The following SOBP variants were observed in gnomAD, a reference collection of about 807,000 sequenced individuals.
SOBP encodes sine oculis binding protein homolog, also known as sine oculis-binding protein homolog.
Under a neutral mutation model 53.6 loss-of-function variants are expected in SOBP, and 4 were observed. That is an observed-to-expected ratio of 0.07 (90% CI 0.04 to 0.17). SOBP has a LOEUF of 0.17. SOBP is among the 10% of genes least tolerant of loss of function. SOBP has a pLI of 1.00. For missense variants in SOBP, 1,088 were observed against 1,204.7 expected, an observed-to-expected ratio of 0.90 and a Z score of 1.43; for synonymous variants, 584 against 522.6, an observed-to-expected ratio of 1.12 and a Z score of -1.60.
intron 5 of SOBP, among the ~76,000 whole-genome samples, chr6:107,622,197 A>C (rs995740077): frequency 6.6e-6 from 1 of 152,194 alleles, no homozygotes; most frequent in African/African-American, 2.4e-5. Context: ...GCAGCTCTTG[A>C]AGGTAGACGG....
intron 4 of SOBP, among the ~76,000 whole-genome samples, chr6:107,576,022 T>C (rs1583229118): frequency 6.6e-6 from 1 of 152,206 alleles, no homozygotes; most frequent in Non-Finnish European, 1.5e-5. Flanking sequence ...ATCTTCGCAT[T>C]TGGCTCCTCA....
chr6:107,547,468 G>T (rs1784333426), intron 4 of SOBP, among the ~76,000 whole-genome samples: 1 of 152,210 alleles, frequency 6.6e-6, no homozygotes, highest in Non-Finnish European at 1.5e-5. Context: ...TCTTGAACCT[G>T]ATTTTTATAA....
chr6:107,632,330 C>G (rs201196210), intron 5 of SOBP, among the ~76,000 whole-genome samples: 2 of 150,872 alleles, frequency 1.3e-5, no homozygotes, highest in African/African-American at 4.9e-5. Context: ...TGGCCCCCCC[C>G]CAAAAAAAAG....
chr6:107,511,225 A>T (rs565671682), intron 3 of SOBP, among the ~76,000 whole-genome samples: 1 of 152,352 alleles, frequency 6.6e-6, no homozygotes, highest in East Asian at 1.9e-4. Flanking sequence ...CTTTTAGCAT[A>T]TTCCTACAAA....
intron 6 of SOBP, among the ~76,000 whole-genome samples, chr6:107,654,367 C>T (rs1466639084): frequency 6.6e-6 from 1 of 152,140 alleles, no homozygotes; most frequent in Non-Finnish European, 1.5e-5. Flanking sequence ...GAGGAAAACC[C>T]AAGTGTGAGG....
At chr6:107,570,805 C>T (rs1785052490) in intron 4 of SOBP, among the ~76,000 whole-genome samples, 2 of 152,244 alleles carry the variant, frequency 1.3e-5, no homozygotes, top group Non-Finnish European at 2.9e-5. Context: ...TATCACAATC[C>T]ATTGTAAATA....
intron 5 of SOBP, among the ~76,000 whole-genome samples, chr6:107,626,398 G>A (rs1770462824): frequency 1.3e-5 from 2 of 152,310 alleles, no homozygotes; most frequent in African/African-American, 2.4e-5. Flanking sequence ...GGAGCACAGC[G>A]CAGTACTTAT....
chr6:107,510,757 A>T (rs545108716), intron 3 of SOBP: 1 of 152,340 alleles, frequency 6.6e-6, no homozygotes, highest in South Asian at 2.1e-4. Flanking sequence ...TATGTAGGTT[A>T]ATGCTGCATT....
At chr6:107,555,603 A>C (rs565840346) in intron 4 of SOBP, among the ~76,000 whole-genome samples, 1 of 152,358 alleles carries the variant, frequency 6.6e-6, no homozygotes, top group Admixed American at 6.5e-5. Flanking sequence ...ACAGCTCTCC[A>C]AGGCACTGCG....
At chr6:107,603,794 T>G (rs1328554528) in intron 5 of SOBP, among the ~76,000 whole-genome samples, 1 of 152,174 alleles carries the variant, frequency 6.6e-6, no homozygotes, top group Non-Finnish European at 1.5e-5. Context: ...GTGGCTCTCA[T>G]GCTTTGGGGA....
intron 3 of SOBP, among the ~76,000 whole-genome samples, chr6:107,528,811 C>T (rs1783738620): frequency 1.3e-5 from 2 of 152,128 alleles, no homozygotes; most frequent in Non-Finnish European, 2.9e-5. Flanking sequence ...GCTGTGGTCT[C>T]TAAGGTGTAG....
chr6:107,524,554 T>A (rs933801988), intron 3 of SOBP, among the ~76,000 whole-genome samples: 2 of 152,224 alleles, frequency 1.3e-5, no homozygotes. Flanking sequence ...AGGAAAAGGA[T>A]TGCCTTCTCT....
chr6:107,583,561 T>C (rs1190936286), intron 4 of SOBP, among the ~76,000 whole-genome samples: 1 of 152,208 alleles, frequency 6.6e-6, no homozygotes, highest in African/African-American at 2.4e-5. Flanking sequence ...AGTCTTGCTC[T>C]GTTGCCCATG....
At chr6:107,520,084 A>T (rs1164022808) in intron 3 of SOBP, among the ~76,000 whole-genome samples, 1 of 152,242 alleles carries the variant, frequency 6.6e-6, no homozygotes, top group Non-Finnish European at 1.5e-5. Flanking sequence ...TCAGTGGCAC[A>T]ATAACGGAGC....
chr6:107,649,679 AAAG>A (rs1205635761), intron 6 of SOBP, among the ~76,000 whole-genome samples: 3 of 151,624 alleles, frequency 2.0e-5, no homozygotes, highest in East Asian at 3.9e-4. Context: ...AAAAAAAAAA[AAAG>A]AAGAAGAAAG....
chr6:107,533,476 G>A lies in SOBP; in HGVS notation c.439G>A (p.Val147Ile). ...KPPAEDDVSN[V>I]QIMCAWCQKV... is the part of the protein sequence containing the mutation. ...TATTATAGAAGATGATGTGTCAAAT[G>A]TACAAATAATGTGTGCCTGGTGCCA... The change falls in exon 4 of 7, where the codon GTA (valine) becomes ATA (isoleucine). Residue 147 changes from valine (V) to isoleucine (I), a missense_variant. By Grantham distance (29) the Val-to-Ile change is conservative. Coordinates refer to ENST00000317357, the MANE Select transcript of SOBP (RefSeq NM_018013.4). 1.2e-6 allele frequency: 2 copies of A among 1,614,096 alleles called. No individual in the cohort carries two copies. Among genetic ancestry groups the A allele is most frequent in the Non-Finnish European group, 1.7e-6 (2 of 1,180,000 alleles).
rs1371416176 is a variant in SOBP, at chr6:107,490,294, C to CGGCAGG, written c.-317_-312dup. The CGGCAGG allele has an allele frequency of 1.3e-5, 2 of 149,252 alleles. No homozygotes were observed. Among genetic ancestry groups the CGGCAGG allele is most frequent in the Non-Finnish European group, 3.0e-5 (2 of 67,322 alleles). The allele number at this position is 149,252 out of a possible 1,614,324, so 9.2% of individuals were successfully genotyped here. A position where few individuals can be genotyped will look rare whatever the true frequency, so the allele number is the denominator to read the frequency against. On this transcript the variant is annotated 5_prime_UTR_variant, in exon 1 of 7. Transcript: ENST00000317357. Reference sequence around the variant, plus strand: ...GCGGGAGCGGCAGCGGCAGCGAGGGCGGCAGGGGCAGCGGCAGCAGCGGCG... The same window carrying CGGCAGG: ...GCGGGAGCGGCAGCGGCAGCGAGGGCGGCAGGGGCAGGGGCAGCGGCAGCAGCGGCG...
intron 4 of SOBP, among the ~76,000 whole-genome samples, chr6:107,545,385 A>G (rs890926927): frequency 6.6e-6 from 1 of 152,232 alleles, no homozygotes; most frequent in Non-Finnish European, 1.5e-5. Context: ...CAATCGTGAT[A>G]AAACGGAAAG....
At chr6:107,586,292 A>G (rs1359561825) in intron 4 of SOBP, among the ~76,000 whole-genome samples, 1 of 152,180 alleles carries the variant, frequency 6.6e-6, no homozygotes, top group Admixed American at 6.5e-5. Flanking sequence ...TGCAAGTGTC[A>G]CGCAAATGAA....
Sources: gnomAD v4.1 joint callset for allele counts (sites outside exome capture counted in the v4.1 genomes callset) on GRCh38, gnomAD v4.1.1 for gene constraint, MANE v1.5 for transcripts, NCBI Gene and HGNC (gene_info 2026-07-23, HGNC 2026-07-21) for gene names.